TRAF5: variants seen among roughly 807,000 people sequenced by gnomAD.
The protein encoded by TRAF5 is TNF receptor-associated factor 5.
In TRAF5, 48 loss-of-function variants were observed where a neutral mutation model predicts 64.5. That is an observed-to-expected ratio of 0.74 (90% CI 0.59 to 0.95). TRAF5 has a LOEUF of 0.95. Among genes scored for constraint, TRAF5 ranks in the 40% least tolerant of loss-of-function variants. The probability of loss-of-function intolerance (pLI) is 0.00; values close to 1 mark genes in which losing one functional copy is unlikely to be tolerated. For synonymous variants in TRAF5, 206 were observed against 240.5 expected (o/e 0.86, Z 1.33); for missense variants, 545 against 662.8 (o/e 0.82, Z 1.95).
At chr1:211,364,706 A>AACAAACAC (rs1322459162) in intron 7 of TRAF5, among the ~76,000 whole-genome samples, 2 of 151,272 alleles carry the variant, frequency 1.3e-5, no homozygotes. Context: ...CAAACAAACA[A>AACAAACAC]ACAAAACTGA....
chr1:211,340,847 G>T (rs1251461920), intron 1 of TRAF5, among the ~76,000 whole-genome samples: 1 of 152,184 alleles, frequency 6.6e-6, no homozygotes, highest in African/African-American at 2.4e-5. Context: ...GGCGGTCTTC[G>T]CAGCCTCCAC....
intron 9 of TRAF5, among the ~76,000 whole-genome samples, chr1:211,370,135 TA>T (rs149378569): frequency 0.056 from 8,554 of 152,276 alleles, 250 homozygotes; most frequent in Middle Eastern, 0.13. Context: ...GTGAAACTAT[TA>T]ATTTCCTTGG....
At chr1:211,344,817 G>T (rs1702549087) in intron 1 of TRAF5, among the ~76,000 whole-genome samples, 1 of 152,116 alleles carries the variant, frequency 6.6e-6, no homozygotes, top group Non-Finnish European at 1.5e-5. Flanking sequence ...CGTGAACAAT[G>T]AACACGGCTC....
chr1:211,354,393 T>G lies in TRAF5; in HGVS notation c.219-17T>G. 6.2e-7 allele frequency: 1 copy of G among 1,613,668 alleles called. No homozygotes were observed. Among genetic ancestry groups the G allele is most frequent in the Non-Finnish European group, 8.5e-7 (1 of 1,179,694 alleles). On this transcript the variant is annotated splice_polypyrimidine_tract_variant and intron_variant, in intron 2 of 10. Coordinates refer to ENST00000261464, the MANE Select transcript of TRAF5 (RefSeq NM_001033910.3). ...GTAAACAACTAACTCTGGCTCCATT[T>G]TAATTTTTTTCTCCAGAGAATTAAA...
intron 1 of TRAF5, among the ~76,000 whole-genome samples, chr1:211,329,918 C>T (rs892862728): frequency 2.4e-4 from 37 of 152,224 alleles, no homozygotes; most frequent in African/African-American, 8.7e-4. Flanking sequence ...AATTTGTTGC[C>T]TTGCCCAGAG....
intron 1 of TRAF5, among the ~76,000 whole-genome samples, chr1:211,343,974 A>G (rs1702518866): frequency 6.6e-6 from 1 of 152,216 alleles, no homozygotes; most frequent in Non-Finnish European, 1.5e-5. Context: ...TGGGAAGATC[A>G]GTAGAGCTTT....
intron 7 of TRAF5, among the ~76,000 whole-genome samples, chr1:211,364,094 C>G (rs543036508): frequency 2.6e-4 from 40 of 152,196 alleles, no homozygotes; most frequent in African/African-American, 9.6e-4. Flanking sequence ...GAAGCCAACC[C>G]TAACCCGAAT....
intron 8 of TRAF5, among the ~76,000 whole-genome samples, chr1:211,368,503 G>A (rs1184697861): frequency 1.3e-5 from 2 of 152,188 alleles, no homozygotes; most frequent in African/African-American, 2.4e-5. Context: ...GTTCTGGTGT[G>A]TGCTGGGGGT....
chr1:211,335,780 A>G (rs919684674), intron 1 of TRAF5, among the ~76,000 whole-genome samples: 1 of 152,184 alleles, frequency 6.6e-6, no homozygotes. Flanking sequence ...TGTAAGGGGG[A>G]AAGGTTCTCT....
intron 6 of TRAF5, 57 bp downstream of exon 6, chr1:211,360,836 T>G: frequency 6.6e-7 from 1 of 1,509,814 alleles, no homozygotes; most frequent in Admixed American, 1.7e-5. Flanking sequence ...TTAGTAATCA[T>G]TGTGGTCTGT....
At chr1:211,344,433 A>T (rs996577499) in intron 1 of TRAF5, among the ~76,000 whole-genome samples, 2 of 152,210 alleles carry the variant, frequency 1.3e-5, no homozygotes, top group Non-Finnish European at 2.9e-5. Context: ...AAGACATCAA[A>T]GCCAGTCATC....
chr1:211,371,560 C>T (rs1703523278), intron 10 of TRAF5, 90 bp downstream of exon 10: 3 of 1,294,334 alleles, frequency 2.3e-6, no homozygotes, highest in African/African-American at 1.5e-5. Flanking sequence ...TAGAGAGTCA[C>T]ATCTGTCCAG....
At chr1:211,355,667 G>A (rs1702939707) in intron 3 of TRAF5, among the ~76,000 whole-genome samples, 1 of 152,160 alleles carries the variant, frequency 6.6e-6, no homozygotes, top group Non-Finnish European at 1.5e-5. Flanking sequence ...ACCTGTTTTT[G>A]TATGGCCTGT....
At chr1:211,367,289 T>C (rs994171982) in intron 8 of TRAF5, among the ~76,000 whole-genome samples, 2 of 152,216 alleles carry the variant, frequency 1.3e-5, no homozygotes, top group Non-Finnish European at 2.9e-5. Flanking sequence ...GGTAATAGCA[T>C]GGCAATTGAT....
chr1:211,367,554 A>T (rs1229274539), intron 8 of TRAF5, among the ~76,000 whole-genome samples: 2 of 152,242 alleles, frequency 1.3e-5, no homozygotes, highest in East Asian at 3.8e-4. Flanking sequence ...AACCAAGTCC[A>T]TGTCAGTGGA....
intron 7 of TRAF5, among the ~76,000 whole-genome samples, chr1:211,363,372 C>T (rs962162976): frequency 6.6e-6 from 1 of 151,992 alleles, no homozygotes; most frequent in South Asian, 2.1e-4. Flanking sequence ...TTTTAGAATA[C>T]TATGTAGCTG....
chr1:211,368,605 G>A (rs1703427756), intron 8 of TRAF5, among the ~76,000 whole-genome samples: 1 of 152,192 alleles, frequency 6.6e-6, no homozygotes, highest in African/African-American at 2.4e-5. Context: ...ATGAGAAATG[G>A]ATTTAAGTCT....
chr1:211,363,929 A>T (rs1703266227), intron 7 of TRAF5, among the ~76,000 whole-genome samples: 1 of 151,668 alleles, frequency 6.6e-6, no homozygotes, highest in African/African-American at 2.4e-5. Context: ...AAAAAAAAAA[A>T]AAAGCAGAAT....
intron 1 of TRAF5, among the ~76,000 whole-genome samples, chr1:211,346,681 T>G (rs559059216): frequency 6.6e-6 from 1 of 152,364 alleles, no homozygotes; most frequent in Non-Finnish European, 1.5e-5. Context: ...CCTTTCTTTG[T>G]TAAACCTTAA....
Sources: allele counts gnomAD v4.1 joint callset (sites outside exome capture counted in the v4.1 genomes callset), GRCh38; gene constraint gnomAD v4.1.1; transcripts MANE v1.5; gene names NCBI Gene and HGNC (gene_info 2026-07-23, HGNC 2026-07-21).